The following KLHL29 variants were observed in gnomAD, a reference collection of about 807,000 sequenced individuals.
KLHL29 encodes the protein kelch-like protein 29.
KLHL29 carries 21 observed loss-of-function variants against 80.4 expected under a neutral mutation model. The observed-to-expected ratio is 0.26, with a 90% CI of 0.19 to 0.38. KLHL29 has a LOEUF of 0.38. KLHL29 is among the 10% of genes least tolerant of loss of function. The pLI is 1.00. For missense variants in KLHL29, 867 were observed against 1,223.9 expected (o/e 0.71, Z 4.35); for synonymous variants, 511 against 526.8 (o/e 0.97, Z 0.41).
chr2:23,661,487 G>C (rs7593191), intron 5 of KLHL29, among the ~76,000 whole-genome samples: 2 of 152,276 alleles, frequency 1.3e-5, no homozygotes, highest in Non-Finnish European at 2.9e-5. Context: ...CCCTGCGTTC[G>C]TCACAGGGCC....
At chr2:23,489,824 C>G (rs1470376129) in intron 2 of KLHL29, among the ~76,000 whole-genome samples, 3 of 152,038 alleles carry the variant, frequency 2.0e-5, no homozygotes, top group African/African-American at 4.8e-5. Flanking sequence ...GTGGGCGGTA[C>G]CCACACCAAG....
At chr2:23,644,765 G>T (rs1669873937) in intron 5 of KLHL29, among the ~76,000 whole-genome samples, 1 of 152,270 alleles carries the variant, frequency 6.6e-6, no homozygotes, top group South Asian at 2.1e-4. Context: ...CAATGGAAGG[G>T]AGGGGACAAG....
At chr2:23,487,446 C>T (rs768745509) in intron 2 of KLHL29, among the ~76,000 whole-genome samples, 1 of 152,172 alleles carries the variant, frequency 6.6e-6, no homozygotes, top group East Asian at 1.9e-4. Flanking sequence ...GGCTATACCC[C>T]CTGGAAGTAC....
At chr2:23,589,247 C>G (rs993156066) in intron 3 of KLHL29, among the ~76,000 whole-genome samples, 1 of 152,256 alleles carries the variant, frequency 6.6e-6, no homozygotes, top group Admixed American at 6.5e-5. Flanking sequence ...CTACACTTCC[C>G]CTGGTGAAGG....
Position 23,696,040 on chromosome 2 carries a change from C to T in KLHL29, c.1831C>T (p.Gln611Ter). ...GGTGGCCGTCACCTGCTGGAACCCG[C>T]AGAACAACAAGTGGTACCCCTTGGC... ...SLVAVTCWNP[Q>*]NNKWYPLASL... Residue 611 changes from glutamine (Q) to a stop codon, truncating the protein, a stop_gained, in exon 10 of 14, where the codon CAG (glutamine) becomes TAG (stop). Transcript: ENST00000486442. LOFTEE classifies it high-confidence loss of function. The surrounding 1 kb of genome is among the most constrained non-coding windows in gnomAD (Gnocchi z 5.5). 1 of 1,551,788 alleles carries T rather than the reference C, an allele frequency of 6.4e-7. No homozygotes were observed. Among genetic ancestry groups the T allele is most frequent in the Non-Finnish European group, 8.7e-7 (1 of 1,146,996 alleles).
At position 23,642,371 on chromosome 2, in the gene KLHL29, G is replaced by A. The variant is rs990619522; in HGVS notation, c.461G>A (p.Gly154Glu). 2 of 1,434,010 alleles carry A rather than the reference G, an allele frequency of 1.4e-6. No homozygotes were observed. The highest frequency in any genetic ancestry group is 9.2e-7 in the Non-Finnish European group (1 of 1,088,490). The allele number at this position is 1,434,010 out of a possible 1,614,324, so 88.8% of individuals were successfully genotyped here. ...TGPWVTTVAAGNQPTLIAHSY... is the reference protein window; with the variant it reads ...TGPWVTTVAAENQPTLIAHSY... ...CCATGGGTGACCACGGTGGCCGCCG[G>A]GAACCAGCCCACCCTGATTGCACAC... Residue 154 changes from glycine to glutamate, a missense_variant, in exon 5 of 14, where the codon GGG becomes GAG. Coordinates refer to ENST00000486442, the MANE Select transcript of KLHL29 (RefSeq NM_052920.2).
At chr2:23,463,699 G>GCCCCTTCTGACCA (rs1256677967) in intron 1 of KLHL29, among the ~76,000 whole-genome samples, 1 of 152,292 alleles carries the variant, frequency 6.6e-6, no homozygotes, top group East Asian at 1.9e-4. Flanking sequence ...AACACAAGGA[G>GCCCCTTCTGACCA]CCGTAAGCCC....
chr2:23,636,594 TG>T, intron 3 of KLHL29, among the ~76,000 whole-genome samples: 1 of 152,138 alleles, frequency 6.6e-6, no homozygotes, highest in African/African-American at 2.4e-5. Flanking sequence ...GTTCATATAT[TG>T]AGTCCTCCCA....
chr2:23,667,205 T>G (rs1670576788), intron 5 of KLHL29: 1 of 152,230 alleles, frequency 6.6e-6, no homozygotes, highest in Admixed American at 6.5e-5. Context: ...TGCATAAACA[T>G]ATGTATGGAA....
chr2:23,395,367 C>G (rs1666424870), intron 1 of KLHL29, among the ~76,000 whole-genome samples: 1 of 152,186 alleles, frequency 6.6e-6, no homozygotes, highest in African/African-American at 2.4e-5. Flanking sequence ...GAAAATGGTG[C>G]TACTCCAGTT....
At chr2:23,402,525 CT>C (rs1412663945) in intron 1 of KLHL29, among the ~76,000 whole-genome samples, 1 of 152,124 alleles carries the variant, frequency 6.6e-6, no homozygotes. Context: ...ATCCTTCCCC[CT>C]CTCTCCCGTG....
chr2:23,493,559 TCAA>T (rs1665167509), intron 2 of KLHL29, among the ~76,000 whole-genome samples: 1 of 152,198 alleles, frequency 6.6e-6, no homozygotes, highest in South Asian at 2.1e-4. Flanking sequence ...TTTGCAATCA[TCAA>T]AAACTTTTTT....
In KLHL29 at chr2:23,695,574, T is replaced by TG. The variant is rs762066997; in HGVS notation, c.1543-47dup. 9 of 1,304,786 alleles carry TG rather than the reference T, an allele frequency of 6.9e-6. No individual in the cohort carries two copies. Among genetic ancestry groups the TG allele is most frequent in the Non-Finnish European group, 1.1e-6 (1 of 951,126 alleles). 80.8% of individuals were successfully genotyped at this position (1,304,786 alleles called of 1,614,324 possible). A position where few individuals can be genotyped will look rare whatever the true frequency, so the allele number is the denominator to read the frequency against. On this transcript the variant is annotated intron_variant, in intron 8 of 13. Coordinates refer to ENST00000486442, the MANE Select transcript of KLHL29 (RefSeq NM_052920.2). The surrounding 1 kb of genome is among the most constrained non-coding windows in gnomAD (Gnocchi z 7.6). Reference sequence around the variant, plus strand: ...ACACCATTTCTTTCCGTCCGGGAGGTGGCTCTCTCTTGCTAGTCTAAGAAG... The same window carrying TG: ...ACACCATTTCTTTCCGTCCGGGAGGTGGGCTCTCTCTTGCTAGTCTAAGAAG...
At chr2:23,474,951 G>A (rs1329058530) in intron 1 of KLHL29, among the ~76,000 whole-genome samples, 1 of 151,510 alleles carries the variant, frequency 6.6e-6, no homozygotes, top group African/African-American at 2.4e-5. Flanking sequence ...GGAACCAGGA[G>A]TAGCTCTGCC....
intron 3 of KLHL29, among the ~76,000 whole-genome samples, chr2:23,615,531 G>A (rs975834526): frequency 3.3e-5 from 5 of 152,036 alleles, no homozygotes; most frequent in Admixed American, 2.0e-4. Context: ...GGACGTCCCC[G>A]GGCTCTGTGT....
In KLHL29 at chr2:23,409,459, T is replaced by C. The variant is rs893466995; in HGVS notation, c.-154+23679T>C. 5.1e-4 allele frequency among the ~76,000 whole-genome samples: 77 copies of C among 152,242 alleles called. 1 individual carries two copies. The highest frequency in any genetic ancestry group is 1.8e-3 in the African/African-American group (74 of 41,454). ...GTTCTGATGGTGTGCGTTTCCTCCG[T>C]TGGACGAACAACTCATCTTTTACTC... On this transcript the variant is annotated intron_variant, in intron 1 of 13. Transcript: ENST00000486442.
chr2:23,598,656 T>C (rs1216371557), intron 3 of KLHL29, among the ~76,000 whole-genome samples: 2 of 152,206 alleles, frequency 1.3e-5, no homozygotes, highest in African/African-American at 4.8e-5. Flanking sequence ...TCCAGGCTGC[T>C]CATCCAGAGC....
At chr2:23,623,307 C>A (rs1669231002) in intron 3 of KLHL29, among the ~76,000 whole-genome samples, 2 of 152,126 alleles carry the variant, frequency 1.3e-5, no homozygotes, top group Admixed American at 1.3e-4. Flanking sequence ...GGCGATGAGC[C>A]CTGGGAGCCA....
chr2:23,583,530 G>A (rs1383569665), intron 3 of KLHL29, among the ~76,000 whole-genome samples: 3 of 152,302 alleles, frequency 2.0e-5, no homozygotes, highest in Non-Finnish European at 2.9e-5. Context: ...CGATTAAAGC[G>A]AGAAGCTCTA....
Sources: gnomAD v4.1 joint callset for allele counts (sites outside exome capture counted in the v4.1 genomes callset) on GRCh38, gnomAD v4.1.1 for gene constraint, Gnocchi (gnomAD v3.1) non-coding constraint, MANE v1.5 for transcripts, NCBI Gene and HGNC (gene_info 2026-07-23, HGNC 2026-07-21) for gene names.